Variants in C10orf90 observed in about 807,000 individuals in gnomAD.
The protein encoded by C10orf90 is (E2-independent) E3 ubiquitin-conjugating enzyme FATS.
C10orf90 carries 56 observed loss-of-function variants against 62.5 expected under a neutral mutation model. That is an observed-to-expected ratio of 0.90 (90% CI 0.72 to 1.12). The LOEUF (loss-of-function observed/expected upper bound fraction) is 1.12, where lower values mean the gene tolerates loss of function less well. C10orf90 is among the 50% of genes most tolerant of loss of function. C10orf90 has a pLI of 0.00. For synonymous variants in C10orf90, 386 were observed against 340.4 expected (o/e 1.13, Z -1.47); for missense variants, 970 against 880.4 (o/e 1.10, Z -1.29).
chr10:126,484,199 G>T (rs1485396838), intron 4 of C10orf90, among the ~76,000 whole-genome samples: 1 of 152,014 alleles, frequency 6.6e-6, no homozygotes, highest in Admixed American at 6.6e-5. Context: ...TTGCATCCCA[G>T]TTCTCTTCAT....
At chr10:126,561,621 A>G (rs1864901538) in intron 2 of C10orf90, among the ~76,000 whole-genome samples, 1 of 152,080 alleles carries the variant, frequency 6.6e-6, no homozygotes, top group African/African-American at 2.4e-5. Flanking sequence ...CCGCAGTGCA[A>G]TGAGGTTTGG....
At chr10:126,457,756 G>A (rs1214007013) in intron 7 of C10orf90, among the ~76,000 whole-genome samples, 4 of 152,180 alleles carry the variant, frequency 2.6e-5, no homozygotes, top group Non-Finnish European at 5.9e-5. Context: ...GGGTCTCCTG[G>A]TGCTGGCTTT....
intron 2 of C10orf90, among the ~76,000 whole-genome samples, chr10:126,626,974 T>C (rs2133823629): frequency 6.6e-6 from 1 of 151,728 alleles, no homozygotes; most frequent in Admixed American, 6.6e-5. Context: ...AGCTGTGATT[T>C]AGATTTTTCT....
intron 2 of C10orf90, among the ~76,000 whole-genome samples, chr10:126,598,645 C>G (rs1296328784): frequency 6.6e-6 from 1 of 152,214 alleles, no homozygotes; most frequent in Non-Finnish European, 1.5e-5. Context: ...CACCGTTTCA[C>G]TTGCAGTTGG....
intron 4 of C10orf90, among the ~76,000 whole-genome samples, chr10:126,490,037 T>TATATA (rs1454036347): frequency 8.9e-6 from 1 of 112,540 alleles, no homozygotes; most frequent in African/African-American, 3.5e-5. Context: ...TAATATATAA[T>TATATA]ATATATTATA....
At chr10:126,461,350 G>C in intron 6 of C10orf90, 51 bp downstream of exon 6, 1 of 1,598,584 alleles carries the variant, frequency 6.3e-7, no homozygotes, top group Non-Finnish European at 8.5e-7. Flanking sequence ...GACTCCCTAG[G>C]AAATCTCTCC....
At chr10:126,560,634 C>T (rs1024302580) in intron 2 of C10orf90, among the ~76,000 whole-genome samples, 1 of 152,120 alleles carries the variant, frequency 6.6e-6, no homozygotes, top group Non-Finnish European at 1.5e-5. Context: ...GGAACCAAAG[C>T]CATCCCCATG....
intron 5 of C10orf90, among the ~76,000 whole-genome samples, chr10:126,462,233 C>A (rs991158425): frequency 6.6e-6 from 1 of 152,096 alleles, no homozygotes; most frequent in Non-Finnish European, 1.5e-5. Flanking sequence ...CAGCAAGCAA[C>A]ACAATGTCCT....
chr10:126,495,479 G>A (rs1368663243), intron 4 of C10orf90, among the ~76,000 whole-genome samples: 1 of 152,194 alleles, frequency 6.6e-6, no homozygotes, highest in Non-Finnish European at 1.5e-5. Context: ...CCCTCATGGG[G>A]CTATGACCTA....
chr10:126,579,422 G>C (rs1177668961), intron 2 of C10orf90, among the ~76,000 whole-genome samples: 3 of 151,834 alleles, frequency 2.0e-5, no homozygotes, highest in Non-Finnish European at 2.9e-5. Flanking sequence ...TGTATTTTTA[G>C]TAGAGATGGG....
intron 2 of C10orf90, among the ~76,000 whole-genome samples, chr10:126,637,833 G>C (rs113187381): frequency 3.9e-5 from 6 of 152,322 alleles, no homozygotes; most frequent in African/African-American, 1.4e-4. Context: ...GGAAGGCATG[G>C]AAGGGTCTTA....
intron 7 of C10orf90, among the ~76,000 whole-genome samples, chr10:126,458,495 A>T (rs1266769772): frequency 6.6e-6 from 1 of 152,144 alleles, no homozygotes; most frequent in Non-Finnish European, 1.5e-5. Context: ...CCAGCATGGC[A>T]CCCAGAGAAG....
rs1407745073 is a variant in C10orf90 at position 126,453,896 on chromosome 10, TGAA to T, written c.2188+5141_2188+5143del. 6.6e-6 allele frequency among the ~76,000 whole-genome samples: 1 copy of T among 151,260 alleles called. No homozygotes were observed. Among genetic ancestry groups the T allele is most frequent in the Non-Finnish European group, 1.5e-5 (1 of 67,814 alleles). The stretch of plus-strand genomic sequence containing the variant: ...ACCCTGATCATGAGTGTTTTTGGAG[TGAA>T]GGAAGGACAGGAAATGAGACCAACT... On this transcript the variant is annotated intron_variant, in intron 7 of 9. Transcript: ENST00000488181. The surrounding 1 kb of genome is among the most constrained non-coding windows in gnomAD (Gnocchi z 4.9).
At chr10:126,550,596 G>A (rs1804671841) in intron 2 of C10orf90, among the ~76,000 whole-genome samples, 1 of 151,996 alleles carries the variant, frequency 6.6e-6, no homozygotes, top group African/African-American at 2.4e-5. Context: ...TGCAACCTCC[G>A]CCTCCTGGGT....
chr10:126,544,172 A>G (rs908046095), intron 2 of C10orf90, among the ~76,000 whole-genome samples: 5 of 152,196 alleles, frequency 3.3e-5, no homozygotes, highest in Non-Finnish European at 5.9e-5. Context: ...CCAACCAAAG[A>G]CTTTTCGAGA....
At chr10:126,617,191 A>T (rs1425801286) in intron 2 of C10orf90, among the ~76,000 whole-genome samples, 1 of 152,172 alleles carries the variant, frequency 6.6e-6, no homozygotes, top group East Asian at 1.9e-4. Context: ...TAGCTTTCCC[A>T]AACTACTGTA....
chr10:126,463,995 T>C (rs1236012850), intron 5 of C10orf90, among the ~76,000 whole-genome samples: 6 of 152,246 alleles, frequency 3.9e-5, no homozygotes, highest in Non-Finnish European at 8.8e-5. Flanking sequence ...GATATCTTTC[T>C]TTCTGTCCTT....
chr10:126,427,102 C>A (rs1857310506), intron 8 of C10orf90, among the ~76,000 whole-genome samples: 1 of 152,182 alleles, frequency 6.6e-6, no homozygotes, highest in Non-Finnish European at 1.5e-5. Flanking sequence ...TGTCACCCAA[C>A]CATAATATGG....
intron 2 of C10orf90, among the ~76,000 whole-genome samples, chr10:126,595,557 G>C (rs1302492686): frequency 6.6e-6 from 1 of 152,204 alleles, no homozygotes; most frequent in Non-Finnish European, 1.5e-5. Flanking sequence ...GCTGTGTGGA[G>C]GTGGGGCAGA....
Sources: allele counts gnomAD v4.1 joint callset (sites outside exome capture counted in the v4.1 genomes callset), GRCh38; gene constraint gnomAD v4.1.1; non-coding constraint Gnocchi (gnomAD v3.1); transcripts MANE v1.5; gene names NCBI Gene and HGNC (gene_info 2026-07-23, HGNC 2026-07-21).